The following GPHN variants were observed in gnomAD, a reference collection of about 807,000 sequenced individuals.
The protein encoded by GPHN is gephyrin.
Under a neutral mutation model 95.5 loss-of-function variants are expected in GPHN, and 17 were observed. The ratio of observed to expected loss-of-function variants is 0.18; its 90% CI spans 0.12 to 0.27. The LOEUF is 0.27. GPHN is among the 10% of genes least tolerant of loss of function. The pLI is 1.00. For synonymous variants in GPHN, 320 were observed against 322.5 expected (o/e 0.99, Z 0.08); for missense variants, 660 against 978.1 (o/e 0.67, Z 4.34).
At chr14:66,635,841 A>G (rs1389851812) in intron 1 of GPHN, among the ~76,000 whole-genome samples, 2 of 152,110 alleles carry the variant, frequency 1.3e-5, no homozygotes, top group East Asian at 3.9e-4. Flanking sequence ...TACATTCTTA[A>G]GAAAAAGTGA....
intron 6 of GPHN, among the ~76,000 whole-genome samples, chr14:66,918,900 C>T (rs766609393): frequency 5.1e-4 from 78 of 152,058 alleles, no homozygotes; most frequent in Non-Finnish European, 6.0e-4. Flanking sequence ...ATTATGTAAC[C>T]CTCCAAAAAT....
intron 5 of GPHN, among the ~76,000 whole-genome samples, chr14:66,914,292 A>C (rs2065807318): frequency 6.6e-6 from 1 of 152,174 alleles, no homozygotes; most frequent in Admixed American, 6.5e-5. Context: ...CTAAGTTTTC[A>C]CTTGCCACTA....
At chr14:67,134,953 CTTTTTTTTTT>C (rs57933607) in intron 17 of GPHN, among the ~76,000 whole-genome samples, 13 of 45,240 alleles carry the variant, frequency 2.9e-4, no homozygotes, top group South Asian at 2.7e-3. Context: ...TTTCTTTCTT[CTTTTTTTTTT>C]TTTTTTTTTT....
chr14:67,382,804 C>T, the GPHN span: 16 of 544,940 alleles, frequency 2.9e-5, no homozygotes, highest in South Asian at 3.6e-4. Context: ...TTTGAATTTG[C>T]ATGTGGCATG....
At chr14:66,838,923 C>T (rs1158065613) in intron 4 of GPHN, among the ~76,000 whole-genome samples, 4 of 152,092 alleles carry the variant, frequency 2.6e-5, no homozygotes, top group African/African-American at 9.7e-5. Flanking sequence ...TACTGCCTGC[C>T]ATAAAAGGCA....
chr14:67,379,315 A>AT, the GPHN span, among the ~76,000 whole-genome samples: 4 of 152,030 alleles, frequency 2.6e-5, no homozygotes, highest in South Asian at 2.1e-4. Context: ...TATATATCTG[A>AT]TTTTTTCTCC....
chr14:67,670,763 T>TTCAACACA, the GPHN span, among the ~76,000 whole-genome samples: 1 of 152,172 alleles, frequency 6.6e-6, no homozygotes, highest in Non-Finnish European at 1.5e-5. Context: ...CGTGACCTTG[T>TTCAACACA]GATCCGCCCG....
At chr14:66,908,411 C>T (rs1242243114) in intron 5 of GPHN, among the ~76,000 whole-genome samples, 3 of 151,962 alleles carry the variant, frequency 2.0e-5, no homozygotes, top group Non-Finnish European at 4.4e-5. Context: ...TATTATAATC[C>T]AAAGTATAAA....
intron 2 of GPHN, chr14:66,761,033 A>G: frequency 1.8e-6 from 1 of 542,894 alleles, no homozygotes. Context: ...CTCTGTAACC[A>G]TTTCTTTTAT....
intron 8 of GPHN, among the ~76,000 whole-genome samples, chr14:66,934,153 A>C (rs2066976166): frequency 2.0e-5 from 3 of 151,810 alleles, no homozygotes. Context: ...AAAAAAAAAA[A>C]AAAAGAGTTC....
At chr14:67,281,028 G>A in the GPHN span, among the ~76,000 whole-genome samples, 1 of 151,390 alleles carries the variant, frequency 6.6e-6, no homozygotes, top group Non-Finnish European at 1.5e-5. Context: ...CCTCCCGAGT[G>A]GCTGGGATTA....
the GPHN span, chr14:67,733,664 A>G: frequency 2.2e-6 from 2 of 904,088 alleles, no homozygotes; most frequent in Non-Finnish European, 3.7e-6. Context: ...TTCATTTAGA[A>G]ACATTCTGAG....
chr14:67,318,336 T>C, the GPHN span, among the ~76,000 whole-genome samples: 1 of 111,966 alleles, frequency 8.9e-6, no homozygotes, highest in South Asian at 3.7e-4. Context: ...TTTTCTAAAA[T>C]AAATATCCTT....
chr14:67,674,960 G>T, the GPHN span: 2 of 152,564 alleles, frequency 1.3e-5, no homozygotes, highest in South Asian at 4.1e-4. Context: ...CTCGTCCCGG[G>T]GTCGCGCGTT....
At chr14:67,169,168 C>A in intron 21 of GPHN, 132 bp downstream of exon 21, 1 of 698,274 alleles carries the variant, frequency 1.4e-6, no homozygotes, top group East Asian at 2.6e-5. Context: ...ATATTCTCCC[C>A]CTGTGTACTA....
intron 3 of GPHN, among the ~76,000 whole-genome samples, chr14:66,805,474 G>A (rs913833006): frequency 6.6e-6 from 1 of 152,094 alleles, no homozygotes; most frequent in Non-Finnish European, 1.5e-5. Flanking sequence ...CATTAGCTCA[G>A]AAATCCACAG....
chr14:66,755,055 C>G (rs1325493874), intron 2 of GPHN, among the ~76,000 whole-genome samples: 3 of 151,942 alleles, frequency 2.0e-5, no homozygotes, highest in Non-Finnish European at 4.4e-5. Flanking sequence ...TTCCTACTTG[C>G]TTAGAAATTA....
At chr14:67,390,742 T>C in the GPHN span, 1 of 1,609,524 alleles carries the variant, frequency 6.2e-7, no homozygotes, top group Non-Finnish European at 8.5e-7. Flanking sequence ...TTTCCTCTTG[T>C]GTCCCTGAGG....
the GPHN span, among the ~76,000 whole-genome samples, chr14:67,391,218 AAAGC>A: frequency 5.3e-5 from 8 of 152,070 alleles, no homozygotes; most frequent in South Asian, 1.2e-3. Context: ...CATTAGGAAA[AAAGC>A]AAGAAACGAT....
Sources: gnomAD v4.1 joint callset for allele counts (sites outside exome capture counted in the v4.1 genomes callset) on GRCh38, gnomAD v4.1.1 for gene constraint, MANE v1.5 for transcripts, NCBI Gene and HGNC (gene_info 2026-07-23, HGNC 2026-07-21) for gene names.